Variants in SWAP70 observed in about 807,000 individuals in gnomAD.
SWAP70 encodes the protein switch-associated protein 70.
Under a neutral mutation model 80.2 loss-of-function variants are expected in SWAP70, and 34 were observed. The observed-to-expected ratio is 0.42, with a 90% confidence interval of 0.32 to 0.56. SWAP70 has a LOEUF of 0.56. Ranked by LOEUF, SWAP70 falls within the 20% of genes least tolerant of loss-of-function variation. SWAP70 has a pLI of 0.09. For synonymous variants in SWAP70, 239 were observed against 238.5 expected (o/e 1.00, Z -0.02); for missense variants, 578 against 690.7 (o/e 0.84, Z 1.83).
intron 1 of SWAP70, among the ~76,000 whole-genome samples, chr11:9,665,960 T>G (rs187675516): frequency 6.6e-6 from 1 of 152,126 alleles, no homozygotes; most frequent in Non-Finnish European, 1.5e-5. Flanking sequence ...TTAGGCCATT[T>G]ACATTTAATG....
At chr11:9,734,060 T>C (rs1361147918) in intron 7 of SWAP70, among the ~76,000 whole-genome samples, 2 of 152,220 alleles carry the variant, frequency 1.3e-5, no homozygotes, top group Admixed American at 1.3e-4. Context: ...TATTTACCAG[T>C]TGAGATCCTC....
chr11:9,702,457 G>A (rs767210164), intron 2 of SWAP70, among the ~76,000 whole-genome samples: 6 of 151,172 alleles, frequency 4.0e-5, no homozygotes, highest in South Asian at 2.1e-4. Context: ...TGTTGCCCAC[G>A]CTGGAGTGCA....
At chr11:9,740,727 T>C (rs360153) in intron 9 of SWAP70, 145,726 of 254,220 alleles carry the variant, frequency 0.57, 42,197 homozygotes, top group Middle Eastern at 0.69. Flanking sequence ...CAGAGGCCTG[T>C]TCAGGCCAAC....
At chr11:9,676,919 C>T (rs57239484) in intron 1 of SWAP70, among the ~76,000 whole-genome samples, 13,154 of 152,032 alleles carry the variant, frequency 0.087, 993 homozygotes, top group African/African-American at 0.19. Context: ...TCCCAAAGTG[C>T]TGGGATTACA....
intron 1 of SWAP70, among the ~76,000 whole-genome samples, chr11:9,681,418 A>T (rs1404486591): frequency 1.3e-5 from 2 of 152,258 alleles, no homozygotes; most frequent in African/African-American, 4.8e-5. Context: ...ATTGACTGAC[A>T]GTCTGTCTTA....
At chr11:9,714,549 T>G (rs889133734) in intron 3 of SWAP70, among the ~76,000 whole-genome samples, 6 of 152,174 alleles carry the variant, frequency 3.9e-5, no homozygotes, top group Non-Finnish European at 8.8e-5. Flanking sequence ...AAATGCACAC[T>G]TTCAGGGTAT....
chr11:9,724,961 A>G (rs1015642586), intron 4 of SWAP70, 76 bp downstream of exon 4: 3 of 1,070,660 alleles, frequency 2.8e-6, no homozygotes, highest in Non-Finnish European at 2.7e-6. Context: ...TGTCACAAAG[A>G]TGAGTATAAG....
chr11:9,738,421 G>A (rs1177871793), intron 8 of SWAP70, 101 bp downstream of exon 8: 11 of 765,942 alleles, frequency 1.4e-5, no homozygotes, highest in Non-Finnish European at 2.0e-5. Context: ...TCATCAGCTT[G>A]GCTTTGCTAC....
chr11:9,736,792 T>C (rs1851369092), intron 7 of SWAP70, among the ~76,000 whole-genome samples: 1 of 152,200 alleles, frequency 6.6e-6, no homozygotes, highest in South Asian at 2.1e-4. Flanking sequence ...GGAACCTGAA[T>C]TGCCTCACAG....
chr11:9,723,808 T>C (rs568979361), intron 3 of SWAP70, among the ~76,000 whole-genome samples: 16 of 150,726 alleles, frequency 1.1e-4, no homozygotes, highest in Admixed American at 4.6e-4. Context: ...AGAGTCTTGC[T>C]CTTGCCCAGG....
chr11:9,738,120 C>T, intron 7 of SWAP70, 93 bp from the exon 8 acceptor site: 1 of 774,886 alleles, frequency 1.3e-6, no homozygotes, highest in Non-Finnish European at 1.9e-6. Flanking sequence ...GAATGTTTGG[C>T]TTTTCCTGTA....
At chr11:9,723,728 C>A (rs1328032797) in intron 3 of SWAP70, among the ~76,000 whole-genome samples, 1 of 151,188 alleles carries the variant, frequency 6.6e-6, no homozygotes, top group African/African-American at 2.4e-5. Flanking sequence ...AGTTTTACTG[C>A]CTTATTGTTT....
At chr11:9,717,501 G>A (rs1851081186) in intron 3 of SWAP70, among the ~76,000 whole-genome samples, 1 of 152,024 alleles carries the variant, frequency 6.6e-6, no homozygotes, top group South Asian at 2.1e-4. Flanking sequence ...TGGGCATGGT[G>A]GTGTGCACCT....
rs974645016 is a variant in SWAP70, at chr11:9,670,038, A to G, written c.99+5760A>G. 2.6e-5 allele frequency among the ~76,000 whole-genome samples: 4 copies of G among 152,092 alleles called. No individual in the cohort carries two copies. In the East Asian group the frequency reaches 7.7e-4, roughly 29 times the overall value. ...AGCTACTTGGGAGCTGAGGCAGGAG[A>G]ATCACTTGAACCTGGGAGGCGGAGG... On this transcript the variant is annotated intron_variant, in intron 1 of 11. Coordinates refer to ENST00000318950, the MANE Select transcript of SWAP70 (RefSeq NM_015055.4).
rs1416093847 is a variant in SWAP70 at position 9,664,147 on chromosome 11, A to C, written c.-33A>C. On this transcript the variant is annotated 5_prime_UTR_variant, in exon 1 of 12. Transcript: ENST00000318950. ...CGAGGCGCGGAGGGGCTGGCTGGGC[A>C]GGAGGGGTTGGCGGGGCAGCAGGGC... 1 of 1,543,998 alleles carries C rather than the reference A, an allele frequency of 6.5e-7. No individual in the cohort carries two copies. Among genetic ancestry groups the C allele is most frequent in the Non-Finnish European group, 8.7e-7 (1 of 1,146,124 alleles).
Position 9,749,138 on chromosome 11 carries a change from G to A in SWAP70, c.1606G>A (p.Asp536Asn). 6.2e-7 allele frequency: 1 copy of A among 1,613,014 alleles called. No individual in the cohort carries two copies. The highest frequency in any genetic ancestry group is 8.5e-7 in the Non-Finnish European group (1 of 1,179,356). The change falls in exon 11 of 12, where the codon GAC (aspartate) becomes AAC (asparagine). Residue 536 changes from aspartate to asparagine, a missense_variant. Coordinates refer to ENST00000318950, the MANE Select transcript of SWAP70 (RefSeq NM_015055.4). Reference sequence around the variant, plus strand: ...AACTAATAAGACCAAGAGCTGGAAGGACAAAGTGGCCCATCATGAAGGATT... The same window carrying A: ...AACTAATAAGACCAAGAGCTGGAAGAACAAAGTGGCCCATCATGAAGGATT... ...MATNKTKSWK[D>N]KVAHHEGLIR...
intron 1 of SWAP70, among the ~76,000 whole-genome samples, chr11:9,666,610 C>T (rs970595979): frequency 1.3e-5 from 2 of 152,056 alleles, no homozygotes; most frequent in African/African-American, 4.8e-5. Context: ...ACATTGAAAT[C>T]CCCATCAGAC....
chr11:9,718,891 G>A (rs1364464431), intron 3 of SWAP70, among the ~76,000 whole-genome samples: 2 of 151,852 alleles, frequency 1.3e-5, no homozygotes, highest in African/African-American at 4.8e-5. Context: ...CTTGAGCTGG[G>A]GAGTTTGAGA....
At chr11:9,671,933 TTATAATATATTTTATAATA>T (rs1192111933) in intron 1 of SWAP70, among the ~76,000 whole-genome samples, 16 of 110,928 alleles carry the variant, frequency 1.4e-4, no homozygotes, top group Non-Finnish European at 2.1e-4. Flanking sequence ...TAATTATATT[TTATAATATATTTTATAATA>T]TATAATATAT....
Sources: gnomAD v4.1 joint callset for allele counts (sites outside exome capture counted in the v4.1 genomes callset) on GRCh38, gnomAD v4.1.1 for gene constraint, MANE v1.5 for transcripts, NCBI Gene and HGNC (gene_info 2026-07-23, HGNC 2026-07-21) for gene names.